Variants in SCHIP1 observed in about 807,000 individuals in gnomAD.
SCHIP1 encodes schwannomin interacting protein 1, also known as schwannomin-interacting protein 1.
In SCHIP1, 8 loss-of-function variants were observed where a neutral mutation model predicts 29.7. That is an observed-to-expected ratio of 0.27 (90% confidence interval 0.16 to 0.49). The LOEUF (loss-of-function observed/expected upper bound fraction) is 0.49, where lower values mean the gene tolerates loss of function less well. Among genes scored for constraint, SCHIP1 ranks in the 20% least tolerant of loss-of-function variants. The pLI is 0.99. For missense variants in SCHIP1, 193 were observed against 294.6 expected (o/e 0.66, Z 2.52); for synonymous variants, 76 against 94.9 (o/e 0.80, Z 1.16).
At chr3:159,686,627 T>TA in the SCHIP1 span, among the ~76,000 whole-genome samples, 1 of 152,198 alleles carries the variant, frequency 6.6e-6, no homozygotes, top group Non-Finnish European at 1.5e-5. Context: ...CAAGAATCTA[T>TA]AAAAAATGTC....
the SCHIP1 span, among the ~76,000 whole-genome samples, chr3:159,565,455 C>T: frequency 8.0e-3 from 1,214 of 152,256 alleles, 13 homozygotes; most frequent in African/African-American, 0.028. Flanking sequence ...GGGGTTTTGG[C>T]GCATCTCCTA....
chr3:159,896,547 A>T (rs1338103605), intron 6 of SCHIP1, among the ~76,000 whole-genome samples, 176 bp from the exon 8 acceptor site: 1 of 152,256 alleles, frequency 6.6e-6, no homozygotes, highest in Admixed American at 6.5e-5. Context: ...ATATGTAAAA[A>T]TTAAAGAGTT....
the SCHIP1 span, among the ~76,000 whole-genome samples, chr3:159,676,114 G>A: frequency 2.6e-5 from 4 of 152,132 alleles, no homozygotes; most frequent in Non-Finnish European, 5.9e-5. Flanking sequence ...CTGAGCGACG[G>A]TGCAAGACTC....
chr3:159,420,158 A>C, the SCHIP1 span, among the ~76,000 whole-genome samples: 1 of 152,250 alleles, frequency 6.6e-6, no homozygotes, highest in Non-Finnish European at 1.5e-5. Context: ...TCTGTGAAGC[A>C]GTCTGTGGCT....
the SCHIP1 span, among the ~76,000 whole-genome samples, chr3:159,564,969 T>C: frequency 6.6e-6 from 1 of 152,248 alleles, no homozygotes; most frequent in Non-Finnish European, 1.5e-5. Flanking sequence ...CTCTTCAGTA[T>C]ATATCTAGGA....
the SCHIP1 span, among the ~76,000 whole-genome samples, chr3:159,678,008 C>T: frequency 6.6e-6 from 1 of 152,148 alleles, no homozygotes; most frequent in Non-Finnish European, 1.5e-5. Context: ...GGCCTCAAGC[C>T]CATCTTCAAA....
the SCHIP1 span, among the ~76,000 whole-genome samples, chr3:159,432,934 G>C: frequency 6.6e-6 from 1 of 152,152 alleles, no homozygotes; most frequent in African/African-American, 2.4e-5. Context: ...CAGAGTTTCT[G>C]TAAGTTCTGA....
chr3:159,646,063 G>A, the SCHIP1 span, among the ~76,000 whole-genome samples: 2 of 152,202 alleles, frequency 1.3e-5, no homozygotes, highest in Admixed American at 1.3e-4. Context: ...CAGAAAGTGG[G>A]CAAAGCAAGA....
chr3:159,885,078 T>A (rs1019387807), intron 2 of SCHIP1, among the ~76,000 whole-genome samples: 2 of 152,228 alleles, frequency 1.3e-5, no homozygotes, highest in Non-Finnish European at 2.9e-5. Context: ...AATAAAAGAA[T>A]CACTTTAAAT....
chr3:159,468,780 T>TTTG, the SCHIP1 span, among the ~76,000 whole-genome samples: 2 of 144,874 alleles, frequency 1.4e-5, no homozygotes, highest in East Asian at 3.9e-4. Flanking sequence ...TATATATATT[T>TTTG]TTTTTAGATG....
chr3:159,595,774 G>A, the SCHIP1 span, among the ~76,000 whole-genome samples: 1 of 152,138 alleles, frequency 6.6e-6, no homozygotes, highest in African/African-American at 2.4e-5. Context: ...GAAAATGCAT[G>A]GCTTTCATTT....
At chr3:159,529,179 G>A in the SCHIP1 span, among the ~76,000 whole-genome samples, 3 of 152,116 alleles carry the variant, frequency 2.0e-5, no homozygotes, top group African/African-American at 7.2e-5. Context: ...AGAAGTAAAG[G>A]GATATCTAAA....
the SCHIP1 span, among the ~76,000 whole-genome samples, chr3:159,483,378 T>G: frequency 6.6e-6 from 1 of 152,194 alleles, no homozygotes; most frequent in Admixed American, 6.6e-5. Flanking sequence ...GTCTGTCCAA[T>G]AGTATAGATA....
the SCHIP1 span, among the ~76,000 whole-genome samples, chr3:159,303,112 A>G: frequency 6.6e-6 from 1 of 152,168 alleles, no homozygotes; most frequent in East Asian, 1.9e-4. Flanking sequence ...GTTTTAGAGC[A>G]TACACTACAA....
At chr3:159,382,552 A>T in the SCHIP1 span, among the ~76,000 whole-genome samples, 20 of 152,236 alleles carry the variant, frequency 1.3e-4, no homozygotes, top group African/African-American at 4.8e-4. Context: ...TTGTGAATAG[A>T]GCCGCAATAA....
the SCHIP1 span, among the ~76,000 whole-genome samples, chr3:159,422,774 G>C: frequency 0.4 from 61,031 of 152,054 alleles, 13,004 homozygotes; most frequent in Non-Finnish European, 0.48. Context: ...TATAAAGTTA[G>C]AGGTCACTTA....
chr3:159,458,045 A>T, the SCHIP1 span, among the ~76,000 whole-genome samples: 1 of 152,210 alleles, frequency 6.6e-6, no homozygotes, highest in African/African-American at 2.4e-5. Flanking sequence ...ACTTTTGAGA[A>T]TGTCTTCTGT....
the SCHIP1 span, among the ~76,000 whole-genome samples, chr3:159,345,650 C>G: frequency 5.3e-3 from 811 of 152,110 alleles, 1 homozygote; most frequent in Admixed American, 9.2e-3. Context: ...GGTTTCTGTT[C>G]TCTCCTACTG....
chr3:159,338,174 C>T, the SCHIP1 span, among the ~76,000 whole-genome samples: 3 of 152,088 alleles, frequency 2.0e-5, no homozygotes, highest in Non-Finnish European at 4.4e-5. Flanking sequence ...GGGAGTGGAT[C>T]AGGCAATAGA....
Sources: allele counts gnomAD v4.1 joint callset (sites outside exome capture counted in the v4.1 genomes callset), GRCh38; gene constraint gnomAD v4.1.1; transcripts MANE v1.5; gene names NCBI Gene and HGNC (gene_info 2026-07-23, HGNC 2026-07-21).